The following SSC4D variants were observed in gnomAD, a reference collection of about 807,000 sequenced individuals.
The protein encoded by SSC4D is scavenger receptor cysteine rich family member with 4 domains, also known as scavenger receptor cysteine-rich domain-containing group B protein.
In SSC4D, 57 loss-of-function variants were observed where a neutral mutation model predicts 63.4. The observed-to-expected ratio is 0.90, with a 90% CI of 0.73 to 1.12. SSC4D has a LOEUF of 1.12. Ranked by LOEUF, SSC4D falls within the 50% of genes most tolerant of loss-of-function variation. SSC4D has a pLI of 0.00. For synonymous variants in SSC4D, 352 were observed against 345.4 expected, an observed-to-expected ratio of 1.02 and a Z score of -0.21; for missense variants, 791 against 806.4, an observed-to-expected ratio of 0.98 and a Z score of 0.23.
intron 10 of SSC4D, among the ~76,000 whole-genome samples, chr7:76,390,592 C>T (rs1176721952): frequency 1.3e-5 from 2 of 151,778 alleles, no homozygotes; most frequent in African/African-American, 4.8e-5. Flanking sequence ...CCGAGGCAGG[C>T]GGATCACGAG....
At chr7:76,400,137 G>C in intron 4 of SSC4D, 149 bp downstream of exon 4, 2 of 883,980 alleles carry the variant, frequency 2.3e-6, no homozygotes, top group Non-Finnish European at 3.1e-6. Flanking sequence ...ACCCAGGCTG[G>C]GGTTCTTCCC....
Position 76,390,092 on chromosome 7 carries a change from G to A in SSC4D, c.1695C>T (p.Ser565=), listed in dbSNP as rs767439102. Residue 565 remains serine (S), a synonymous_variant, in exon 11 of 11, where the codon AGC becomes AGT. Coordinates refer to ENST00000275560, the MANE Select transcript of SSC4D (RefSeq NM_080744.2). ...IRWDAHNCDH[S]EDASVLCQPS ...GCTGGCACAGGACACTGGCATCCTC[G>A]CTGTGGTCACAGTTGTGGGCATCCC... 7 of 1,614,100 alleles carry A rather than the reference G, an allele frequency of 4.3e-6. No individual in the cohort carries two copies. The highest frequency in any genetic ancestry group is 1.1e-5 in the South Asian group (1 of 91,092).
rs1242128626 is a variant in SSC4D, at chr7:76,393,475, G to C, written c.1263C>G (p.Ser421Arg). ...GGCCCCAGCCCAGGTGGAAGCAGTC[G>C]CTCAGGCGAGCCTCGGTGCCGGCGC... is the stretch of plus-strand genomic sequence containing the variant. ...VGCAGTEARL[S>R]DCFHLGWGQH... Residue 421 changes from serine to arginine, a missense_variant, in exon 9 of 11, where the codon AGC becomes AGG. Ser to Arg is a moderately radical substitution (Grantham distance 110). Transcript: ENST00000275560. The C allele has an allele frequency of 2.0e-6, 3 of 1,525,326 alleles. No homozygotes were observed. Among genetic ancestry groups the C allele is most frequent in the Non-Finnish European group, 2.6e-6 (3 of 1,143,692 alleles). The allele number at this position is 1,525,326 out of a possible 1,614,324, so 94.5% of individuals were successfully genotyped here.
rs3081031 is a variant in SSC4D at position 76,405,340 on chromosome 7, T to TTTC, written c.-66-836_-66-835insGAA. ...ATGTATTTTTTTCTTTCTTTCTTTC[T>TTTC]TTTTTTTTTTTTTTTTTTTTTGGTA... On this transcript the variant is annotated intron_variant, in intron 1 of 10. Transcript: ENST00000275560. Among the ~76,000 whole-genome samples, 189 of 48,914 alleles carry TTTC rather than the reference T, an allele frequency of 3.9e-3. 14 individuals carry two copies. The highest frequency in any genetic ancestry group is 0.013 in the African/African-American group (140 of 10,376). The allele number at this position is 48,914 out of a possible 152,430, so 32.1% of individuals were successfully genotyped here. A position where few individuals can be genotyped will look rare whatever the true frequency, so the allele number is the denominator to read the frequency against.
Position 76,389,738 on chromosome 7 carries a change from G to C in SSC4D, c.*321C>G. 1 of 330,542 alleles carries C rather than the reference G, an allele frequency of 3.0e-6. No individual in the cohort carries two copies. The highest frequency in any genetic ancestry group is 5.6e-6 in the Non-Finnish European group (1 of 177,372). The allele number at this position is 330,542 out of a possible 1,614,324, so 20.5% of individuals were successfully genotyped here. A position where few individuals can be genotyped will look rare whatever the true frequency, so the allele number is the denominator to read the frequency against. On this transcript the variant is annotated 3_prime_UTR_variant, in exon 11 of 11. Coordinates refer to ENST00000275560, the MANE Select transcript of SSC4D (RefSeq NM_080744.2). ...ATCTAGGTCAAGGAAGGCAGAGTCT[G>C]GTGCTATAAAAAGAGCCCCACCAAA... is the stretch of plus-strand genomic sequence containing the variant.
chr7:76,400,359 C>T lies in SSC4D; in HGVS notation c.402G>A (p.Leu134=). The change falls in exon 4 of 11, where the codon CTG becomes CTA. Residue 134 remains leucine (L), a synonymous_variant. Transcript: ENST00000275560. ...NVECRGQEAA[L]SECGSRGWGV... ...CCCAGCCGCGGCTGCCGCACTCGCTCAGCGCAGCTTCCTGCCCGCGGCACT... is the reference window on the plus strand; with the variant it reads ...CCCAGCCGCGGCTGCCGCACTCGCTTAGCGCAGCTTCCTGCCCGCGGCACT... 2.6e-6 allele frequency: 4 copies of T among 1,565,768 alleles called. No homozygotes were observed. The highest frequency in any genetic ancestry group is 3.5e-6 in the Non-Finnish European group (4 of 1,151,784).
chr7:76,399,314 G>A (rs893230702), intron 4 of SSC4D, among the ~76,000 whole-genome samples: 1 of 152,044 alleles, frequency 6.6e-6, no homozygotes, highest in Non-Finnish European at 1.5e-5. Context: ...TGCCCAGCCT[G>A]AAGCACAGTT....
rs1450736750 is a variant in SSC4D, at chr7:76,395,166, CG to C, written c.946+86del. 23 of 1,510,454 alleles carry C rather than the reference CG, an allele frequency of 1.5e-5. No homozygotes were observed. The East Asian group carries it at 1.6e-4, about 10-fold the overall frequency. The allele number at this position is 1,510,454 out of a possible 1,614,324, so 93.6% of individuals were successfully genotyped here. On this transcript the variant is annotated intron_variant, in intron 7 of 10. Coordinates refer to ENST00000275560, the MANE Select transcript of SSC4D (RefSeq NM_080744.2). The stretch of plus-strand genomic sequence containing the variant: ...GCCCTGGCCTGTTAGCCAGGGCCCC[CG>C]CCTGTGAATCCAGAACATTCTTCCC...
chr7:76,404,125 C>T (rs113081871), intron 2 of SSC4D, among the ~76,000 whole-genome samples, 182 bp downstream of exon 2: 1 of 152,152 alleles, frequency 6.6e-6, no homozygotes, highest in Non-Finnish European at 1.5e-5. Context: ...ACCTCCAGTA[C>T]TGAGCCCTTC....
At chr7:76,408,425 G>C (rs76141960) in intron 1 of SSC4D, among the ~76,000 whole-genome samples, 54 of 152,044 alleles carry the variant, frequency 3.6e-4, no homozygotes, top group African/African-American at 1.2e-3. Flanking sequence ...TGCTTGTTGT[G>C]GGGGGGCACA....
In SSC4D at chr7:76,400,345, C is replaced by T; in HGVS notation, c.416G>A (p.Ser139Asn). 3.9e-6 allele frequency: 6 copies of T among 1,531,974 alleles called. No individual in the cohort carries two copies. The Admixed American group carries it at 6.2e-5, about 16-fold the overall frequency. The allele number at this position is 1,531,974 out of a possible 1,614,324, so 94.9% of individuals were successfully genotyped here. ...GCAATTGTGGACGCCCCAGCCGCGGCTGCCGCACTCGCTCAGCGCAGCTTC... is the reference window on the plus strand; with the variant it reads ...GCAATTGTGGACGCCCCAGCCGCGGTTGCCGCACTCGCTCAGCGCAGCTTC... ...GQEAALSECGSRGWGVHNCFH... is the reference protein window; with the variant it reads ...GQEAALSECGNRGWGVHNCFH... The change falls in exon 4 of 11, where the codon AGC (serine) becomes AAC (asparagine). Residue 139 changes from serine (S) to asparagine (N), a missense_variant. Coordinates refer to ENST00000275560, the MANE Select transcript of SSC4D (RefSeq NM_080744.2).
intron 9 of SSC4D, among the ~76,000 whole-genome samples, chr7:76,392,335 G>A (rs1000358685): frequency 2.0e-5 from 3 of 152,110 alleles, no homozygotes; most frequent in Admixed American, 1.3e-4. Context: ...GATCACCTGA[G>A]GTCAGGAGTT....
chr7:76,393,190 G>A (rs1804531209), intron 9 of SSC4D, among the ~76,000 whole-genome samples: 1 of 151,864 alleles, frequency 6.6e-6, no homozygotes, highest in Non-Finnish European at 1.5e-5. Flanking sequence ...ACCAGGCCCC[G>A]CCCCATTTTC....
intron 10 of SSC4D, among the ~76,000 whole-genome samples, chr7:76,391,370 G>C (rs1217818988): frequency 1.3e-5 from 2 of 151,776 alleles, no homozygotes; most frequent in Non-Finnish European, 2.9e-5. Context: ...GAACCTGGGA[G>C]GTGGAGGTTG....
chr7:76,402,424 C>T (rs1421326038), intron 2 of SSC4D, among the ~76,000 whole-genome samples: 8 of 152,058 alleles, frequency 5.3e-5, no homozygotes, highest in East Asian at 3.9e-4. Context: ...TCAAGTGATC[C>T]GCCTGCCTCA....
Position 76,389,981 on chromosome 7 carries a change from C to G in SSC4D, c.*78G>C. 1 of 1,581,284 alleles carries G rather than the reference C, an allele frequency of 6.3e-7. No individual in the cohort carries two copies. Among genetic ancestry groups the G allele is most frequent in the Non-Finnish European group, 8.6e-7 (1 of 1,157,950 alleles). On this transcript the variant is annotated 3_prime_UTR_variant, in exon 11 of 11. Coordinates refer to ENST00000275560, the MANE Select transcript of SSC4D (RefSeq NM_080744.2). ...GAGGGGCAAAGTGAACTGTAGTCATCACAAGAGGAGGGCTTCCTGGAGGAG... is the reference window on the plus strand; with the variant it reads ...GAGGGGCAAAGTGAACTGTAGTCATGACAAGAGGAGGGCTTCCTGGAGGAG...
At position 76,391,972 on chromosome 7, in the gene SSC4D, G is replaced by A; in HGVS notation, c.1403C>T (p.Pro468Leu). The A allele has an allele frequency of 1.3e-6, 2 of 1,593,920 alleles. No individual in the cohort carries two copies. Among genetic ancestry groups the A allele is most frequent in the East Asian group, 2.3e-5 (1 of 44,168 alleles). ...SETTRVPTPR[P>L]RDGHLRLVNG... ...GGATTATGGGCACCTACCGTCCCTG[G>A]GCCGAGGAGTGGGCACCCGCGTGGT... Residue 468 changes from proline to leucine, a missense_variant, in exon 10 of 11, where the codon CCC becomes CTC. Pro to Leu is a moderately conservative substitution (Grantham distance 98, BLOSUM62 -3). Transcript: ENST00000275560.
chr7:76,391,991 G>C lies in SSC4D; in HGVS notation c.1384C>G (p.Arg462Gly). The C allele has an allele frequency of 1.3e-6, 2 of 1,594,340 alleles. No individual in the cohort carries two copies. The highest frequency in any genetic ancestry group is 1.7e-6 in the Non-Finnish European group (2 of 1,170,286). Reference sequence around the variant, plus strand: ...TCCCTGGGCCGAGGAGTGGGCACCCGCGTGGTCTCAGAACCATCCTGCTGG... The same window carrying C: ...TCCCTGGGCCGAGGAGTGGGCACCCCCGTGGTCTCAGAACCATCCTGCTGG... ...QVQQDGSETTRVPTPRPRDGH... is the reference protein window; with the variant it reads ...QVQQDGSETTGVPTPRPRDGH... Residue 462 changes from arginine to glycine, a missense_variant, in exon 10 of 11, where the codon CGG becomes GGG. Coordinates refer to ENST00000275560, the MANE Select transcript of SSC4D (RefSeq NM_080744.2).
chr7:76,399,499 A>G (rs1804745213), intron 4 of SSC4D, among the ~76,000 whole-genome samples: 1 of 152,000 alleles, frequency 6.6e-6, no homozygotes, highest in South Asian at 2.1e-4. Flanking sequence ...GCTCTATGCC[A>G]CGTGGAGCGC....
Sources: allele counts gnomAD v4.1 joint callset (sites outside exome capture counted in the v4.1 genomes callset), GRCh38; gene constraint gnomAD v4.1.1; transcripts MANE v1.5; gene names NCBI Gene and HGNC (gene_info 2026-07-23, HGNC 2026-07-21).